Variants in DSCAML1 observed in about 807,000 individuals in gnomAD.
DSCAML1 encodes cell adhesion molecule DSCAML1.
Under a neutral mutation model 200.5 loss-of-function variants are expected in DSCAML1, and 38 were observed. The ratio of observed to expected loss-of-function variants is 0.19; its 90% confidence interval spans 0.15 to 0.25. The LOEUF is 0.25. Ranked by LOEUF, DSCAML1 falls within the 10% of genes least tolerant of loss-of-function variation. The pLI is 1.00. For missense variants in DSCAML1, 2,223 were observed against 2,858.8 expected (o/e 0.78, Z 5.07); for synonymous variants, 1,215 against 1,165.0 (o/e 1.04, Z -0.87).
In DSCAML1 at chr11:117,518,874, A is replaced by G. The variant is rs2049832519; in HGVS notation, c.1214-112T>C. 7.2e-6 allele frequency: 9 copies of G among 1,247,806 alleles called. No homozygotes were observed. In the Admixed American group the frequency reaches 2.5e-4, roughly 34 times the overall value. 77.3% of individuals were successfully genotyped at this position (1,247,806 alleles called of 1,614,324 possible). Reference sequence around the variant, plus strand: ...CAAAAAGCAGCCATAAGAGCAAACAAGAACTTTTGTGTACATCAATTCTTC... The same window carrying G: ...CAAAAAGCAGCCATAAGAGCAAACAGGAACTTTTGTGTACATCAATTCTTC... On this transcript the variant is annotated intron_variant, in intron 6 of 32. Coordinates refer to ENST00000651296, the MANE Select transcript of DSCAML1 (RefSeq NM_020693.4). The surrounding 1 kb of genome is among the most constrained non-coding windows in gnomAD (Gnocchi z 6.3).
At chr11:117,481,308 CAGGG>C in intron 12 of DSCAML1, 38 bp from the exon 13 acceptor site, 1 of 1,602,746 alleles carries the variant, frequency 6.2e-7, no homozygotes, top group Non-Finnish European at 8.5e-7. Flanking sequence ...AGGGAGTAAA[CAGGG>C]AGAGTCTTTT....
At chr11:117,644,478 G>A (rs564595612) in intron 3 of DSCAML1, among the ~76,000 whole-genome samples, 48 of 152,314 alleles carry the variant, frequency 3.2e-4, no homozygotes, top group Non-Finnish European at 4.7e-4. Context: ...CCCCAAGCAC[G>A]CCCTCCACAC....
At position 117,432,066 on chromosome 11, in the gene DSCAML1, C is replaced by T. The variant is rs549711996; in HGVS notation, c.5179+286G>A. Among the ~76,000 whole-genome samples, 11 of 152,250 alleles carry T rather than the reference C, an allele frequency of 7.2e-5. No homozygotes were observed. The South Asian group carries it at 2.1e-3, about 29-fold the overall frequency. On this transcript the variant is annotated intron_variant, in intron 30 of 32. Transcript: ENST00000651296. ...GTGTTCTATCCTATGTCCAGATACACGGTGCTAGAGATAGAAAGACCCTTG... is the reference window on the plus strand; with the variant it reads ...GTGTTCTATCCTATGTCCAGATACATGGTGCTAGAGATAGAAAGACCCTTG...
intron 3 of DSCAML1, among the ~76,000 whole-genome samples, chr11:117,645,581 C>T (rs959043619): frequency 4.0e-5 from 6 of 151,840 alleles, no homozygotes; most frequent in South Asian, 2.1e-4. Context: ...TAAAAAATGA[C>T]GAGTTCATGT....
chr11:117,502,852 C>G (rs536707482), intron 11 of DSCAML1, among the ~76,000 whole-genome samples: 13 of 152,260 alleles, frequency 8.5e-5, no homozygotes, highest in East Asian at 7.7e-4. Context: ...CCCAACCCCC[C>G]GCTCATAGTG....
intron 3 of DSCAML1, among the ~76,000 whole-genome samples, chr11:117,582,703 G>A (rs1209476993): frequency 1.6e-4 from 25 of 152,142 alleles, no homozygotes; most frequent in Admixed American, 9.2e-4. Context: ...CCAGGAAGCC[G>A]GGCCCCTCCA....
chr11:117,705,421 A>G (rs1419784077), intron 3 of DSCAML1, among the ~76,000 whole-genome samples: 2 of 152,154 alleles, frequency 1.3e-5, no homozygotes, highest in Non-Finnish European at 2.9e-5. Flanking sequence ...CAACACAGAG[A>G]AGAAAGATTT....
intron 3 of DSCAML1, among the ~76,000 whole-genome samples, chr11:117,749,189 G>A (rs73585242): frequency 0.017 from 2,638 of 152,316 alleles, 67 homozygotes; most frequent in African/African-American, 0.059. Context: ...GTCCCAACCA[G>A]GCCAGACGGG....
intron 3 of DSCAML1, among the ~76,000 whole-genome samples, chr11:117,709,490 A>G (rs1406207021): frequency 2.0e-5 from 3 of 152,116 alleles, no homozygotes; most frequent in Non-Finnish European, 4.4e-5. Flanking sequence ...AGAAGCCCCA[A>G]ATATAGTCAC....
chr11:117,505,171 T>G lies in DSCAML1; in HGVS notation c.2063-128A>C. ...TATAAAGTTGGAAGCGGGCAGTTTC[T>G]GAAACCCAAGATGCTGAGAACTTTT... On this transcript the variant is annotated intron_variant, in intron 9 of 32. Coordinates refer to ENST00000651296, the MANE Select transcript of DSCAML1 (RefSeq NM_020693.4). The surrounding 1 kb of genome is among the most constrained non-coding windows in gnomAD (Gnocchi z 6.7). 7.2e-7 allele frequency: 1 copy of G among 1,396,042 alleles called. No individual in the cohort carries two copies. The highest frequency in any genetic ancestry group is 1.4e-5 in the South Asian group (1 of 70,456). 86.5% of individuals were successfully genotyped at this position (1,396,042 alleles called of 1,614,324 possible).
At chr11:117,626,183 G>T (rs2052040340) in intron 3 of DSCAML1, among the ~76,000 whole-genome samples, 1 of 142,226 alleles carries the variant, frequency 7.0e-6, no homozygotes, top group Non-Finnish European at 1.5e-5. Context: ...GTTTAGCACA[G>T]CCCACTCTTG....
chr11:117,815,925 G>T (rs2055801496), intron 1 of DSCAML1, among the ~76,000 whole-genome samples: 1 of 151,844 alleles, frequency 6.6e-6, no homozygotes, highest in Non-Finnish European at 1.5e-5. Flanking sequence ...AATGAAATCT[G>T]CCAAAACGGG....
At chr11:117,700,265 TG>T (rs2053644784) in intron 3 of DSCAML1, among the ~76,000 whole-genome samples, 1 of 152,216 alleles carries the variant, frequency 6.6e-6, no homozygotes. Context: ...TGAAGTAGGA[TG>T]GGCAGAGATG....
rs566515349 is a variant in DSCAML1, at chr11:117,786,118, A to G, written c.47-5308T>C. Among the ~76,000 whole-genome samples the G allele has an allele frequency of 2.3e-3, 353 of 152,310 alleles. 2 individuals are homozygous for G. Among genetic ancestry groups the G allele is most frequent in the African/African-American group, 8.0e-3 (331 of 41,562 alleles). On this transcript the variant is annotated intron_variant, in intron 1 of 32. Transcript: ENST00000651296. ...GCAGCTCTTTCTTCCCTCTGCAGAC[A>G]GAACCAGGCATATTTACCGAAAGAA...
intron 3 of DSCAML1, among the ~76,000 whole-genome samples, chr11:117,727,003 T>C (rs181855971): frequency 6.7e-6 from 1 of 148,634 alleles, no homozygotes; most frequent in African/African-American, 2.6e-5. Flanking sequence ...CAGCTGACAC[T>C]CTTAAGTGTG....
chr11:117,453,236 C>T (rs7946391), intron 19 of DSCAML1, among the ~76,000 whole-genome samples: 85,340 of 152,080 alleles, frequency 0.56, 24,100 homozygotes, highest in African/African-American at 0.6. Flanking sequence ...TGTCCAACCC[C>T]ATTGTCGTTT....
chr11:117,784,744 C>G (rs934878616), intron 1 of DSCAML1, among the ~76,000 whole-genome samples: 1 of 152,190 alleles, frequency 6.6e-6, no homozygotes, highest in Non-Finnish European at 1.5e-5. Context: ...GCTGTGTGAC[C>G]TCAGGCAAGC....
chr11:117,482,592 AC>A (rs1467268500), intron 11 of DSCAML1, among the ~76,000 whole-genome samples: 4 of 152,212 alleles, frequency 2.6e-5, no homozygotes, highest in African/African-American at 4.8e-5. Context: ...GTCTTATATT[AC>A]CATGATCCTG....
intron 3 of DSCAML1, among the ~76,000 whole-genome samples, chr11:117,681,199 G>A (rs888736062): frequency 2.0e-5 from 3 of 152,170 alleles, no homozygotes; most frequent in Admixed American, 1.3e-4. Context: ...GTGAACACAT[G>A]GACCTGGTAG....
Sources: allele counts gnomAD v4.1 joint callset (sites outside exome capture counted in the v4.1 genomes callset), GRCh38; gene constraint gnomAD v4.1.1; non-coding constraint Gnocchi (gnomAD v3.1); transcripts MANE v1.5; gene names NCBI Gene and HGNC (gene_info 2026-07-23, HGNC 2026-07-21).